Variants in MCU observed in about 807,000 individuals in gnomAD.
MCU encodes the protein calcium uniporter protein, mitochondrial.
In MCU, 12 loss-of-function variants were observed where a neutral mutation model predicts 45.2. The ratio of observed to expected loss-of-function variants is 0.27; its 90% CI spans 0.17 to 0.43. The LOEUF (loss-of-function observed/expected upper bound fraction) is 0.43, where lower values mean the gene tolerates loss of function less well. Ranked by LOEUF, MCU falls within the 20% of genes least tolerant of loss-of-function variation. The probability of loss-of-function intolerance (pLI) is 1.00; values close to 1 mark genes in which losing one functional copy is unlikely to be tolerated. For missense variants in MCU, 324 were observed against 436.7 expected, an observed-to-expected ratio of 0.74 and a Z score of 2.30; for synonymous variants, 160 against 165.1, an observed-to-expected ratio of 0.97 and a Z score of 0.24.
intron 6 of MCU, among the ~76,000 whole-genome samples, chr10:72,877,415 A>G (rs967539941): frequency 6.6e-6 from 1 of 152,162 alleles, no homozygotes; most frequent in Non-Finnish European, 1.5e-5. Flanking sequence ...TAATCCACTA[A>G]TTATCCCTTC....
intron 1 of MCU, among the ~76,000 whole-genome samples, chr10:72,725,474 A>G (rs561813536): frequency 6.6e-6 from 1 of 151,226 alleles, no homozygotes; most frequent in Non-Finnish European, 1.5e-5. Flanking sequence ...GAGTCCCACT[A>G]TGTTGCCTAA....
intron 1 of MCU, among the ~76,000 whole-genome samples, chr10:72,723,291 A>C (rs1044967936): frequency 1.3e-5 from 2 of 152,230 alleles, no homozygotes; most frequent in Admixed American, 6.5e-5. Context: ...AGATTAAATT[A>C]ATAAACTTAG....
At position 72,751,967 on chromosome 10, in the gene MCU, G is replaced by A. The variant is rs1382082913; in HGVS notation, c.150+59666G>A. Among the ~76,000 whole-genome samples the A allele has an allele frequency of 3.3e-5, 5 of 151,790 alleles. No homozygotes were observed. The East Asian group carries it at 9.8e-4, about 30-fold the overall frequency. The stretch of plus-strand genomic sequence containing the variant: ...TGATTCTACTGCCTCAGCATCCCGA[G>A]TAGCTAGGACTACAGGCACCCGCCA... On this transcript the variant is annotated intron_variant, in intron 1 of 7. Coordinates refer to ENST00000373053, the MANE Select transcript of MCU (RefSeq NM_138357.3).
intron 6 of MCU, 45 bp from the exon 7 acceptor site, chr10:72,884,221 G>GA (rs762315961): frequency 8.9e-7 from 1 of 1,126,056 alleles, no homozygotes; most frequent in South Asian, 1.2e-5. Context: ...ATTTTGTGAA[G>GA]ATAGTATGCT....
chr10:72,759,311 T>G (rs1040699311), intron 1 of MCU, among the ~76,000 whole-genome samples: 1 of 152,124 alleles, frequency 6.6e-6, no homozygotes, highest in Non-Finnish European at 1.5e-5. Flanking sequence ...CATGCACTGG[T>G]AATTAGATCG....
intron 1 of MCU, chr10:72,715,048 C>A: frequency 8.8e-6 from 3 of 339,844 alleles, no homozygotes; most frequent in Non-Finnish European, 1.3e-5. Flanking sequence ...GAGGTACCCA[C>A]ATTAGCAGGC....
chr10:72,705,818 CAA>C (rs751510514), intron 1 of MCU, among the ~76,000 whole-genome samples: 1 of 129,406 alleles, frequency 7.7e-6, no homozygotes, highest in Admixed American at 7.9e-5. Context: ...AACTCCGTCT[CAA>C]AAAAAAAAAA....
intron 1 of MCU, among the ~76,000 whole-genome samples, chr10:72,695,551 T>C (rs1019456296): frequency 6.6e-6 from 1 of 152,140 alleles, no homozygotes; most frequent in Non-Finnish European, 1.5e-5. Context: ...TAATCACTCC[T>C]CTAGCCTTTA....
chr10:72,692,695 G>T, intron 1 of MCU: 1 of 1,221,634 alleles, frequency 8.2e-7, no homozygotes, highest in Non-Finnish European at 1.0e-6. Flanking sequence ...CTCCTCCTCC[G>T]GGCGGGTTGG....
At chr10:72,703,213 A>G (rs1842779951) in intron 1 of MCU, among the ~76,000 whole-genome samples, 1 of 152,202 alleles carries the variant, frequency 6.6e-6, no homozygotes, top group Non-Finnish European at 1.5e-5. Context: ...ATGTGCCAAG[A>G]ATTTTACATA....
chr10:72,807,130 G>A (rs1302698332), intron 1 of MCU, among the ~76,000 whole-genome samples: 2 of 152,172 alleles, frequency 1.3e-5, no homozygotes, highest in African/African-American at 2.4e-5. Flanking sequence ...CTCAGGAGTA[G>A]CATTTTCATT....
At chr10:72,741,098 C>CTTTTTTT (rs11310286) in intron 1 of MCU, among the ~76,000 whole-genome samples, 23 of 124,684 alleles carry the variant, frequency 1.8e-4, no homozygotes, top group East Asian at 2.1e-4. Context: ...TTTTCTTTTT[C>CTTTTTTT]TTTTTTTTTT....
At chr10:72,873,500 T>G (rs868827725) in intron 6 of MCU, among the ~76,000 whole-genome samples, 5 of 152,208 alleles carry the variant, frequency 3.3e-5, no homozygotes, top group South Asian at 4.1e-4. Flanking sequence ...TATTCTGATA[T>G]AAATCCTGTG....
At chr10:72,856,302 G>T (rs1339729734) in intron 2 of MCU, among the ~76,000 whole-genome samples, 1 of 152,090 alleles carries the variant, frequency 6.6e-6, no homozygotes, top group Non-Finnish European at 1.5e-5. Flanking sequence ...TCTTTATTTT[G>T]ATTCTTATGT....
intron 1 of MCU, among the ~76,000 whole-genome samples, chr10:72,829,336 A>T (rs1248289370): frequency 6.6e-6 from 1 of 151,886 alleles, no homozygotes; most frequent in African/African-American, 2.4e-5. Flanking sequence ...AAAAAAAAAA[A>T]AAAAAAGTTC....
chr10:72,763,414 G>A (rs1238765638), intron 1 of MCU, among the ~76,000 whole-genome samples: 1 of 152,110 alleles, frequency 6.6e-6, no homozygotes, highest in African/African-American at 2.4e-5. Context: ...GTGGCTGCTG[G>A]CTGGGTGTCA....
chr10:72,861,877 A>G (rs1005884719), intron 4 of MCU: 1 of 287,716 alleles, frequency 3.5e-6, no homozygotes, highest in Non-Finnish European at 6.8e-6. Context: ...TTTTAAATAA[A>G]GACAGAGTCA....
At chr10:72,717,809 G>T (rs1365458237) in intron 1 of MCU, among the ~76,000 whole-genome samples, 7 of 152,134 alleles carry the variant, frequency 4.6e-5, no homozygotes, top group African/African-American at 1.7e-4. Flanking sequence ...ATTGCGTTTT[G>T]AAAGGAGTTT....
intron 1 of MCU, among the ~76,000 whole-genome samples, chr10:72,829,322 CA>C (rs34102458): frequency 0.18 from 21,358 of 116,516 alleles, 2,968 homozygotes; most frequent in African/African-American, 0.44. Context: ...GACACTGTCT[CA>C]AAAAAAAAAA....
Sources: gnomAD v4.1 joint callset for allele counts (sites outside exome capture counted in the v4.1 genomes callset) on GRCh38, gnomAD v4.1.1 for gene constraint, MANE v1.5 for transcripts, NCBI Gene and HGNC (gene_info 2026-07-23, HGNC 2026-07-21) for gene names.